Variants in PGAP2 observed in about 807,000 individuals in gnomAD.
PGAP2 encodes acyltransferase PGAP2.
In PGAP2, 21 loss-of-function variants were observed where a neutral mutation model predicts 33.2. The ratio of observed to expected loss-of-function variants is 0.63; its 90% CI spans 0.45 to 0.91. The LOEUF (loss-of-function observed/expected upper bound fraction) is 0.91, where lower values mean the gene tolerates loss of function less well. Ranked by LOEUF, PGAP2 falls within the 40% of genes least tolerant of loss-of-function variation. The pLI, the probability that PGAP2 is intolerant of heterozygous loss-of-function variation, is 0.00. For missense variants in PGAP2, 345 were observed against 424.0 expected (o/e 0.81, Z 1.64); for synonymous variants, 161 against 172.9 (o/e 0.93, Z 0.54).
intron 3 of PGAP2, chr11:3,822,822 G>A (rs112156382): frequency 1.3e-5 from 9 of 712,146 alleles, no homozygotes; most frequent in African/African-American, 3.6e-5. Context: ...CTAAACCCTT[G>A]TTCAGTCATC....
upstream of PGAP2, chr11:3,797,782 C>A: frequency 1.3e-6 from 2 of 1,538,578 alleles, no homozygotes; most frequent in Admixed American, 2.0e-5. Flanking sequence ...CCGCCCCTCG[C>A]CGCCGCGGTT....
chr11:3,825,759 CCAGTTTCTGGCCTT>C lies in PGAP2; in HGVS notation c.*302_*315del. ...ACGTCCTGAGGTTCATGACCACCAT[CCAGTTTCTGGCCTT>C]TACACAGTCACCTTTCACTGAGGTC... is the stretch of plus-strand genomic sequence containing the variant. On this transcript the variant is annotated 3_prime_UTR_variant, in exon 7 of 7. Transcript: ENST00000278243. The C allele has an allele frequency of 2.9e-5, 8 of 275,778 alleles. No homozygotes were observed. Among genetic ancestry groups the C allele is most frequent in the South Asian group, 9.9e-5 (2 of 20,302 alleles). The allele number at this position is 275,778 out of a possible 1,614,324, so 17.1% of individuals were successfully genotyped here.
At position 3,825,743 on chromosome 11, in the gene PGAP2, G is replaced by GTTT; in HGVS notation, c.*285_*286insTTT. The GTTT allele has an allele frequency of 1.0e-5, 3 of 287,958 alleles. No individual in the cohort carries two copies. The highest frequency in any genetic ancestry group is 1.0e-4 in the South Asian group (2 of 19,834). 17.8% of individuals were successfully genotyped at this position (287,958 alleles called of 1,614,324 possible). A position where few individuals can be genotyped will look rare whatever the true frequency, so the allele number is the denominator to read the frequency against. Reference sequence around the variant, plus strand: ...GGTGCTAAAAAAAAAAACGTCCTGAGGTTCATGACCACCATCCAGTTTCTG... The same window carrying GTTT: ...GGTGCTAAAAAAAAAAACGTCCTGAGTTTGTTCATGACCACCATCCAGTTTCTG... On this transcript the variant is annotated 3_prime_UTR_variant, in exon 7 of 7. Transcript: ENST00000278243.
rs1188468696 is a variant in PGAP2, at chr11:3,819,586, G to A, written c.348+2051G>A. Reference sequence around the variant, plus strand: ...ATCTTATGGTGAAATCTGAGGTGCCGTGCAAGGGGATTTTGGGGAACCCTG... The same window carrying A: ...ATCTTATGGTGAAATCTGAGGTGCCATGCAAGGGGATTTTGGGGAACCCTG... On this transcript the variant is annotated intron_variant, in intron 3 of 6. Transcript: ENST00000278243. Among the ~76,000 whole-genome samples the A allele has an allele frequency of 5.9e-5, 9 of 152,234 alleles. No homozygotes were observed. The East Asian group carries it at 7.7e-4, about 13-fold the overall frequency.
intron 3 of PGAP2, among the ~76,000 whole-genome samples, chr11:3,818,184 A>G (rs1219073107): frequency 6.6e-6 from 1 of 151,800 alleles, no homozygotes; most frequent in South Asian, 2.1e-4. Context: ...CCAACATGGT[A>G]AAACCCTGTC....
chr11:3,798,310 G>A (rs1055257409), intron 1 of PGAP2, among the ~76,000 whole-genome samples: 12 of 152,188 alleles, frequency 7.9e-5, no homozygotes, highest in African/African-American at 2.7e-4. Flanking sequence ...CCAGCTGCAC[G>A]TGGAGAACCC....
chr11:3,820,716 A>C (rs1056991304), intron 3 of PGAP2, among the ~76,000 whole-genome samples: 17 of 152,152 alleles, frequency 1.1e-4, no homozygotes, highest in African/African-American at 3.6e-4. Context: ...CCAGCTACTC[A>C]GCAGGCTGAA....
chr11:3,810,380 T>C (rs1418524503), intron 1 of PGAP2, among the ~76,000 whole-genome samples: 1 of 152,208 alleles, frequency 6.6e-6, no homozygotes, highest in African/African-American at 2.4e-5. Flanking sequence ...CCTGAGCAGA[T>C]TCCTGCTCCA....
chr11:3,807,929 TGG>T, upstream of PGAP2: 1 of 560,498 alleles, frequency 1.8e-6, no homozygotes, highest in Non-Finnish European at 2.4e-6. Context: ...CAGCTGGTTT[TGG>T]GGGATCAATC....
At chr11:3,805,259 CTTTTT>C (rs1171517604), upstream of PGAP2, among the ~76,000 whole-genome samples, 1 of 123,206 alleles carries the variant, frequency 8.1e-6, no homozygotes, top group African/African-American at 3.0e-5. Context: ...TGTGGATATT[CTTTTT>C]TTTTTTTTTT....
chr11:3,824,852 C>A, intron 5 of PGAP2, 168 bp from the exon 6 acceptor site: 1 of 1,447,072 alleles, frequency 6.9e-7, no homozygotes, highest in East Asian at 2.5e-5. Flanking sequence ...GAGGCAGGGA[C>A]GTGAACACAT....
chr11:3,820,366 GT>G (rs1193388903), intron 3 of PGAP2, among the ~76,000 whole-genome samples: 1 of 152,180 alleles, frequency 6.6e-6, no homozygotes, highest in African/African-American at 2.4e-5. Context: ...TACTGCAGAT[GT>G]TTTATACACG....
At chr11:3,815,807 A>T (rs1292901714) in intron 2 of PGAP2, among the ~76,000 whole-genome samples, 3 of 152,096 alleles carry the variant, frequency 2.0e-5, no homozygotes, top group Non-Finnish European at 4.4e-5. Context: ...GATATCTCAT[A>T]TTCAGGCTTG....
intron 1 of PGAP2, among the ~76,000 whole-genome samples, chr11:3,802,748 G>A (rs1229480221): frequency 6.6e-6 from 1 of 151,722 alleles, no homozygotes; most frequent in African/African-American, 2.4e-5. Context: ...TTTATATCTC[G>A]CCTAAGTTAT....
chr11:3,821,571 C>T (rs994593307), intron 3 of PGAP2, among the ~76,000 whole-genome samples: 1 of 151,864 alleles, frequency 6.6e-6, no homozygotes, highest in Non-Finnish European at 1.5e-5. Flanking sequence ...CGAGCCTGCC[C>T]AACATGGTGA....
At chr11:3,815,291 G>A (rs998890713) in intron 2 of PGAP2, among the ~76,000 whole-genome samples, 2 of 151,472 alleles carry the variant, frequency 1.3e-5, no homozygotes, top group Non-Finnish European at 2.9e-5. Flanking sequence ...GTAATGAGGG[G>A]CCTTGAGTCT....
At chr11:3,823,446 G>A (rs1011207258) in intron 3 of PGAP2, among the ~76,000 whole-genome samples, 1 of 152,178 alleles carries the variant, frequency 6.6e-6, no homozygotes. Flanking sequence ...TCTTAGCTGA[G>A]CAGTGAATCC....
Position 3,808,583 on chromosome 11 carries a change from G to A in PGAP2, c.-79G>A. ...CCGTTCGCGCTCTGACCAGCCCGCA[G>A]AGCCAGCCCCCGACCCCGGGCCACC... On this transcript the variant is annotated 5_prime_UTR_variant, in exon 1 of 7. Transcript: ENST00000278243. 2.9e-6 allele frequency: 4 copies of A among 1,362,004 alleles called. No individual in the cohort carries two copies. Among genetic ancestry groups the A allele is most frequent in the Non-Finnish European group, 3.8e-6 (4 of 1,058,468 alleles). The allele number at this position is 1,362,004 out of a possible 1,614,324, so 84.4% of individuals were successfully genotyped here. A position where few individuals can be genotyped will look rare whatever the true frequency, so the allele number is the denominator to read the frequency against.
intron 3 of PGAP2, 71 bp from the exon 4 acceptor site, chr11:3,823,812 G>C: frequency 6.3e-7 from 1 of 1,597,534 alleles, no homozygotes; most frequent in Non-Finnish European, 8.5e-7. Flanking sequence ...GATTTTGTCA[G>C]ATGGAGAGAA....
Sources: allele counts gnomAD v4.1 joint callset (sites outside exome capture counted in the v4.1 genomes callset), GRCh38; gene constraint gnomAD v4.1.1; transcripts MANE v1.5; gene names NCBI Gene and HGNC (gene_info 2026-07-23, HGNC 2026-07-21).